WWOX: variants seen among roughly 807,000 people sequenced by gnomAD.
WWOX encodes the protein WW domain containing oxidoreductase.
A neutral mutation model predicts 46.2 loss-of-function variants in WWOX; 69 were observed. That is an observed-to-expected ratio of 1.49 (90% CI 1.23 to 1.82). The LOEUF (loss-of-function observed/expected upper bound fraction) is 1.82, where lower values mean the gene tolerates loss of function less well. Ranked by LOEUF, WWOX falls within the 40% of genes most tolerant of loss-of-function variation. The pLI, the probability that WWOX is intolerant of heterozygous loss-of-function variation, is 0.00. For synonymous variants in WWOX, 359 were observed against 202.6 expected (o/e 1.77, Z -6.56); for missense variants, 919 against 542.6 (o/e 1.69, Z -6.89).
intron 8 of WWOX, among the ~76,000 whole-genome samples, chr16:78,600,210 C>G (rs779641337): frequency 6.6e-6 from 1 of 152,044 alleles, no homozygotes; most frequent in African/African-American, 2.4e-5. Flanking sequence ...TCCACCGGGG[C>G]CCTCCCACAA....
intron 8 of WWOX, among the ~76,000 whole-genome samples, chr16:78,562,876 T>C (rs1417952249): frequency 6.6e-6 from 1 of 152,116 alleles, no homozygotes; most frequent in Non-Finnish European, 1.5e-5. Context: ...ACGTCGGAGC[T>C]CCACGATGGG....
chr16:78,648,060 C>T (rs8046010), intron 8 of WWOX, among the ~76,000 whole-genome samples: 33,766 of 152,052 alleles, frequency 0.22, 3,816 homozygotes, highest in African/African-American at 0.24. Context: ...TCTTATTCAC[C>T]CAGAACAGGT....
rs1305178465 is a variant in WWOX, at chr16:78,633,881, G to A, written c.1056+201129G>A. 2.0e-5 allele frequency among the ~76,000 whole-genome samples: 3 copies of A among 152,048 alleles called. No individual in the cohort carries two copies. The East Asian group carries it at 5.8e-4, about 29-fold the overall frequency. Reference sequence around the variant, plus strand: ...GTAGGTCACCTACGGGAGCAGGGGAGGAACCATCTGAGGTGTTTTTTTTTT... The same window carrying A: ...GTAGGTCACCTACGGGAGCAGGGGAAGAACCATCTGAGGTGTTTTTTTTTT... On this transcript the variant is annotated intron_variant, in intron 8 of 8. Coordinates refer to ENST00000566780, the MANE Select transcript of WWOX (RefSeq NM_016373.4).
intron 8 of WWOX, among the ~76,000 whole-genome samples, chr16:79,065,125 A>G (rs1039756351): frequency 2.6e-5 from 4 of 152,130 alleles, no homozygotes; most frequent in African/African-American, 7.2e-5. Context: ...TCTCTTCGCT[A>G]TGGGGAAATG....
intron 8 of WWOX, among the ~76,000 whole-genome samples, chr16:79,192,083 G>A (rs1438486892): frequency 1.3e-5 from 2 of 152,236 alleles, no homozygotes; most frequent in Non-Finnish European, 2.9e-5. Flanking sequence ...TGGGGAATTA[G>A]TCATAGGGTA....
chr16:78,689,971 C>T (rs1446988908), intron 8 of WWOX, among the ~76,000 whole-genome samples: 1 of 152,114 alleles, frequency 6.6e-6, no homozygotes, highest in Non-Finnish European at 1.5e-5. Flanking sequence ...AATGATTCTC[C>T]TACCTCAGCC....
intron 8 of WWOX, among the ~76,000 whole-genome samples, chr16:78,455,739 A>C (rs2083802083): frequency 6.6e-6 from 1 of 151,730 alleles, no homozygotes; most frequent in Non-Finnish European, 1.5e-5. Context: ...TATTATAGCA[A>C]AGGTTCAAGT....
At chr16:78,246,899 C>A (rs1346408619) in intron 5 of WWOX, among the ~76,000 whole-genome samples, 1 of 151,906 alleles carries the variant, frequency 6.6e-6, no homozygotes, top group Admixed American at 6.6e-5. Flanking sequence ...TCCTTGGACC[C>A]CAGAGTGATT....
intron 6 of WWOX, among the ~76,000 whole-genome samples, chr16:78,411,103 A>C (rs1485566506): frequency 6.6e-6 from 1 of 152,140 alleles, no homozygotes; most frequent in Non-Finnish European, 1.5e-5. Flanking sequence ...TCTCAGAAGA[A>C]TTGTCCATGA....
At chr16:78,947,558 C>G (rs554865124) in intron 8 of WWOX, among the ~76,000 whole-genome samples, 120 of 152,290 alleles carry the variant, frequency 7.9e-4, no homozygotes, top group Admixed American at 3.4e-3. Context: ...GATGAGCTGT[C>G]TGTTACAGAT....
At chr16:78,367,623 A>G (rs2151918326) in intron 5 of WWOX, among the ~76,000 whole-genome samples, 1 of 152,226 alleles carries the variant, frequency 6.6e-6, no homozygotes, top group South Asian at 2.1e-4. Flanking sequence ...CCCCTTTGTA[A>G]TCTCCTGGGC....
At chr16:78,737,844 G>T (rs1281816387) in intron 8 of WWOX, among the ~76,000 whole-genome samples, 1 of 152,070 alleles carries the variant, frequency 6.6e-6, no homozygotes, top group African/African-American at 2.4e-5. Flanking sequence ...GTCCTGGGTG[G>T]TTTGTCCTTG....
chr16:78,678,073 G>T (rs2047646183), intron 8 of WWOX, among the ~76,000 whole-genome samples: 1 of 152,148 alleles, frequency 6.6e-6, no homozygotes, highest in South Asian at 2.1e-4. Flanking sequence ...TGTTTAATCT[G>T]TCTACTTGCT....
chr16:78,555,341 CAT>C (rs910551890), intron 8 of WWOX, among the ~76,000 whole-genome samples: 34 of 152,224 alleles, frequency 2.2e-4, no homozygotes, highest in African/African-American at 8.2e-4. Flanking sequence ...TTTCCCAAAA[CAT>C]ATCCTTAATA....
At chr16:78,852,916 T>C (rs2052481617) in intron 8 of WWOX, among the ~76,000 whole-genome samples, 1 of 152,246 alleles carries the variant, frequency 6.6e-6, no homozygotes, top group Non-Finnish European at 1.5e-5. Flanking sequence ...GGTGACAGGC[T>C]TCTTTCTTCT....
At chr16:78,524,959 G>T in intron 8 of WWOX, among the ~76,000 whole-genome samples, 1 of 146,888 alleles carries the variant, frequency 6.8e-6, no homozygotes. Context: ...TCCACCTCCT[G>T]GGCTCAAGCA....
chr16:78,148,313 T>C (rs1481330621), intron 4 of WWOX, among the ~76,000 whole-genome samples: 1 of 152,166 alleles, frequency 6.6e-6, no homozygotes, highest in Non-Finnish European at 1.5e-5. Flanking sequence ...TGTGTGCGCA[T>C]GCCTGTGTGT....
At chr16:78,865,829 A>C (rs1220374208) in intron 8 of WWOX, among the ~76,000 whole-genome samples, 1 of 152,200 alleles carries the variant, frequency 6.6e-6, no homozygotes, top group East Asian at 1.9e-4. Context: ...GCAGTGAGCC[A>C]GATTGCACCA....
intron 8 of WWOX, among the ~76,000 whole-genome samples, chr16:78,642,361 C>T (rs72792796): frequency 0.05 from 7,626 of 152,230 alleles, 273 homozygotes; most frequent in Non-Finnish European, 0.075. Flanking sequence ...ATTCCTTGTT[C>T]TGTCCCTTTA....
Sources: allele counts gnomAD v4.1 joint callset (sites outside exome capture counted in the v4.1 genomes callset), GRCh38; gene constraint gnomAD v4.1.1; transcripts MANE v1.5; gene names NCBI Gene and HGNC (gene_info 2026-07-23, HGNC 2026-07-21).